The following COL25A1 variants were observed in gnomAD, a reference collection of about 807,000 sequenced individuals.
COL25A1 encodes collagen type XXV alpha 1 chain, also known as collagen alpha-1(XXV) chain.
In COL25A1, 103 loss-of-function variants were observed where a neutral mutation model predicts 128.4. That is an observed-to-expected ratio of 0.80 (90% CI 0.68 to 0.94). The LOEUF (loss-of-function observed/expected upper bound fraction) is 0.94, where lower values mean the gene tolerates loss of function less well. Ranked by LOEUF, COL25A1 falls within the 40% of genes least tolerant of loss-of-function variation. The pLI is 0.00. For missense variants in COL25A1, 745 were observed against 840.0 expected, an observed-to-expected ratio of 0.89 and a Z score of 1.40; for synonymous variants, 279 against 277.2, an observed-to-expected ratio of 1.01 and a Z score of -0.06.
chr4:109,008,338 C>G (rs974716789), intron 6 of COL25A1, among the ~76,000 whole-genome samples: 3 of 152,208 alleles, frequency 2.0e-5, no homozygotes, highest in Non-Finnish European at 4.4e-5. Flanking sequence ...GATTCCTCAG[C>G]AGGATTGAGC....
intron 10 of COL25A1, among the ~76,000 whole-genome samples, chr4:108,938,301 A>G (rs1747677454): frequency 6.6e-6 from 1 of 152,242 alleles, no homozygotes; most frequent in African/African-American, 2.4e-5. Context: ...TTGATATAGA[A>G]TTATATTTTA....
At chr4:109,147,421 G>A (rs1242490934) in intron 3 of COL25A1, among the ~76,000 whole-genome samples, 2 of 152,198 alleles carry the variant, frequency 1.3e-5, no homozygotes, top group Admixed American at 1.3e-4. Flanking sequence ...AGAAGAATTA[G>A]TTAAGGAGAA....
At chr4:108,936,623 C>G (rs1747446430) in intron 11 of COL25A1, among the ~76,000 whole-genome samples, 1 of 151,778 alleles carries the variant, frequency 6.6e-6, no homozygotes, top group Admixed American at 6.6e-5. Flanking sequence ...CAGAGAATTT[C>G]CAGGCAGTGA....
chr4:108,957,947 C>G (rs1750259868), intron 8 of COL25A1, among the ~76,000 whole-genome samples: 1 of 151,950 alleles, frequency 6.6e-6, no homozygotes, highest in Non-Finnish European at 1.5e-5. Flanking sequence ...CTTATATTAC[C>G]CAATAGTTTA....
intron 11 of COL25A1, among the ~76,000 whole-genome samples, chr4:108,930,360 A>C (rs1457151341): frequency 6.6e-6 from 1 of 151,976 alleles, no homozygotes; most frequent in Non-Finnish European, 1.5e-5. Context: ...CTACCACCCC[A>C]CCCAGCCACC....
At position 108,862,637 on chromosome 4, in the gene COL25A1, A is replaced by G. The variant is rs1737394705; in HGVS notation, c.1153-92T>C. ...AATTAGCAGTGACTCAGAATAATGA[A>G]GAAAAATGGAAACACTTTATTTTAA... is the stretch of plus-strand genomic sequence containing the variant. On this transcript the variant is annotated intron_variant, in intron 21 of 37. Transcript: ENST00000399132. The G allele has an allele frequency of 2.9e-6, 3 of 1,044,502 alleles. No individual in the cohort carries two copies. In the South Asian group the frequency reaches 4.1e-5, roughly 14 times the overall value. The allele number at this position is 1,044,502 out of a possible 1,614,324, so 64.7% of individuals were successfully genotyped here. A position where few individuals can be genotyped will look rare whatever the true frequency, so the allele number is the denominator to read the frequency against.
In COL25A1 at chr4:108,846,220, C is replaced by G; in HGVS notation, c.1435-1G>C. The G allele has an allele frequency of 6.2e-7, 1 of 1,603,028 alleles. No homozygotes were observed. The highest frequency in any genetic ancestry group is 8.5e-7 in the Non-Finnish European group (1 of 1,170,030). On this transcript the variant is annotated splice_acceptor_variant, in intron 27 of 37. Transcript: ENST00000399132. LOFTEE classifies it high-confidence loss of function. ...TGTCTCCCTTTGAGCCTTTGAGTCC[C>G]TAAAAATGATAGACAAGGTTGGCAT...
intron 3 of COL25A1, among the ~76,000 whole-genome samples, chr4:109,292,615 G>C (rs1395027617): frequency 6.6e-6 from 1 of 151,966 alleles, no homozygotes. Context: ...GCTTATCTGG[G>C]AAGAGACTGT....
intron 5 of COL25A1, among the ~76,000 whole-genome samples, chr4:109,020,157 A>G (rs1276368556): frequency 6.6e-6 from 1 of 152,224 alleles, no homozygotes; most frequent in Non-Finnish European, 1.5e-5. Context: ...GGCTTTGCAA[A>G]GACTGCATAA....
At chr4:108,844,659 C>T (rs1734872674) in intron 29 of COL25A1, 90 bp from the exon 30 acceptor site, 1 of 1,509,488 alleles carries the variant, frequency 6.6e-7, no homozygotes, top group East Asian at 2.3e-5. Flanking sequence ...CTGCTAAGGC[C>T]ATTAGTAGTT....
intron 6 of COL25A1, among the ~76,000 whole-genome samples, chr4:109,008,938 T>C (rs1193147194): frequency 1.3e-5 from 2 of 151,996 alleles, no homozygotes; most frequent in African/African-American, 4.8e-5. Flanking sequence ...CTGGCCAACA[T>C]GGTGAAACCT....
intron 3 of COL25A1, among the ~76,000 whole-genome samples, chr4:109,201,561 CTT>C (rs1776561039): frequency 1.3e-5 from 2 of 152,320 alleles, no homozygotes; most frequent in African/African-American, 4.8e-5. Context: ...TTAAGAAGCT[CTT>C]TCTCTAAACT....
intron 3 of COL25A1, among the ~76,000 whole-genome samples, chr4:109,088,284 G>A (rs1206088641): frequency 2.0e-5 from 3 of 152,156 alleles, no homozygotes; most frequent in African/African-American, 7.2e-5. Flanking sequence ...GAGTAATTAT[G>A]TCTCCACAGT....
chr4:108,982,081 C>A (rs1197045517), intron 6 of COL25A1, among the ~76,000 whole-genome samples: 1 of 152,166 alleles, frequency 6.6e-6, no homozygotes, highest in Non-Finnish European at 1.5e-5. Flanking sequence ...GTAATCCCAG[C>A]TACTCAGGAG....
At chr4:109,000,056 G>C (rs1459592464) in intron 6 of COL25A1, among the ~76,000 whole-genome samples, 2 of 151,992 alleles carry the variant, frequency 1.3e-5, no homozygotes, top group African/African-American at 2.4e-5. Context: ...CATGGCACAT[G>C]TATACCTATG....
chr4:109,116,559 T>C (rs749685656), intron 3 of COL25A1, among the ~76,000 whole-genome samples: 4 of 152,030 alleles, frequency 2.6e-5, no homozygotes, highest in Non-Finnish European at 5.9e-5. Flanking sequence ...ACTAAAGGCC[T>C]ATTTACCACA....
intron 12 of COL25A1, among the ~76,000 whole-genome samples, chr4:108,919,221 TA>T (rs972334507): frequency 6.6e-6 from 1 of 152,088 alleles, no homozygotes; most frequent in Non-Finnish European, 1.5e-5. Context: ...AATAGTCTAC[TA>T]AAAAAACAGT....
intron 3 of COL25A1, among the ~76,000 whole-genome samples, chr4:109,150,673 T>A (rs969906769): frequency 1.3e-5 from 2 of 152,172 alleles, no homozygotes; most frequent in African/African-American, 4.8e-5. Context: ...AACTTGACAC[T>A]GGGACGTTTA....
intron 19 of COL25A1, among the ~76,000 whole-genome samples, chr4:108,875,551 G>C (rs1739342454): frequency 6.6e-6 from 1 of 152,180 alleles, no homozygotes; most frequent in African/African-American, 2.4e-5. Flanking sequence ...TCATTAAAAA[G>C]TCAGGAAACA....
Sources: gnomAD v4.1 joint callset for allele counts (sites outside exome capture counted in the v4.1 genomes callset) on GRCh38, gnomAD v4.1.1 for gene constraint, MANE v1.5 for transcripts, NCBI Gene and HGNC (gene_info 2026-07-23, HGNC 2026-07-21) for gene names.